BCL7A: variants seen among roughly 807,000 people sequenced by gnomAD.
BCL7A encodes the protein B-cell CLL/lymphoma 7 protein family member A.
BCL7A carries 11 observed loss-of-function variants against 28.4 expected under a neutral mutation model. The ratio of observed to expected loss-of-function variants is 0.39; its 90% CI spans 0.24 to 0.64. The LOEUF is 0.64. Ranked by LOEUF, BCL7A falls within the 30% of genes least tolerant of loss-of-function variation. The pLI is 0.50. For missense variants in BCL7A, 222 were observed against 274.8 expected (o/e 0.81, Z 1.36); for synonymous variants, 123 against 103.3 (o/e 1.19, Z -1.15).
chr12:122,030,889 A>C, intron 2 of BCL7A, 108 bp downstream of exon 2: 10 of 1,161,450 alleles, frequency 8.6e-6, no homozygotes, highest in Non-Finnish European at 1.3e-5. Context: ...CTCTGGGACC[A>C]AGAGCCCCTG....
intron 3 of BCL7A, 44 bp downstream of exon 3, chr12:122,035,471 C>A (rs753243682): frequency 1.3e-6 from 2 of 1,548,850 alleles, no homozygotes; most frequent in Non-Finnish European, 1.8e-6. Flanking sequence ...CAGCCCGGGG[C>A]CTTGGCCAAG....
chr12:122,036,738 G>A (rs533662140), intron 3 of BCL7A, among the ~76,000 whole-genome samples: 6 of 149,280 alleles, frequency 4.0e-5, no homozygotes, highest in East Asian at 3.9e-4. Context: ...GCAGAGTCTC[G>A]CTCCTGTCAC....
In BCL7A at chr12:122,059,907, G is replaced by A. The variant is rs74495539; in HGVS notation, c.*744G>A. The A allele has an allele frequency of 1.1e-3, 245 of 232,584 alleles. 1 individual carries two copies. Among genetic ancestry groups the A allele is most frequent in the East Asian group, 0.01 (169 of 16,480 alleles). 14.4% of individuals were successfully genotyped at this position (232,584 alleles called of 1,614,324 possible). A position where few individuals can be genotyped will look rare whatever the true frequency, so the allele number is the denominator to read the frequency against. On this transcript the variant is annotated 3_prime_UTR_variant, in exon 6 of 6. Transcript: ENST00000261822. The surrounding 1 kb of genome is among the most constrained non-coding windows in gnomAD (Gnocchi z 4.0). ...CGCTGTGCTCTCCCCTCCTTGGGGC[G>A]TTTAGGACTGGGCGTCTCCAAGCCC...
chr12:122,039,497 T>TATATATA (rs1332981743), intron 3 of BCL7A, among the ~76,000 whole-genome samples: 4 of 139,854 alleles, frequency 2.9e-5, no homozygotes, highest in Admixed American at 7.5e-5. Flanking sequence ...TAAATATATA[T>TATATATA]ATATATATAA....
chr12:122,027,364 G>C (rs1297537188), intron 1 of BCL7A, among the ~76,000 whole-genome samples: 2 of 152,178 alleles, frequency 1.3e-5, no homozygotes, highest in African/African-American at 4.8e-5. Context: ...CTGTTGACTG[G>C]TTGTTTGCCA....
intron 3 of BCL7A, among the ~76,000 whole-genome samples, chr12:122,038,868 T>A (rs1883909748): frequency 6.6e-6 from 1 of 152,032 alleles, no homozygotes; most frequent in South Asian, 2.1e-4. Flanking sequence ...TTAAATTAAA[T>A]AATCTCTTAA....
chr12:122,038,431 C>CACAAAAAAAAAAAAA (rs1883900095), intron 3 of BCL7A, among the ~76,000 whole-genome samples: 1 of 33,560 alleles, frequency 3.0e-5, no homozygotes, highest in African/African-American at 7.4e-5. Context: ...GACTCTGCCT[C>CACAAAAAAAAAAAAA]AAAAAAAAAA....
intron 4 of BCL7A, among the ~76,000 whole-genome samples, chr12:122,052,846 C>T (rs955319987): frequency 6.0e-4 from 58 of 97,080 alleles, no homozygotes; most frequent in African/African-American, 2.4e-3. Flanking sequence ...CCACGCCTGG[C>T]TTACTTTTGT....
chr12:122,033,509 T>G (rs1220329073), intron 2 of BCL7A, among the ~76,000 whole-genome samples: 1 of 152,242 alleles, frequency 6.6e-6, no homozygotes, highest in Non-Finnish European at 1.5e-5. Flanking sequence ...AGACGGGGTT[T>G]CACCATGTTA....
rs775869874 is a variant in BCL7A at position 122,035,443 on chromosome 12, C to T, written c.271+16C>T. On this transcript the variant is annotated intron_variant, in intron 3 of 5. Transcript: ENST00000261822. The stretch of plus-strand genomic sequence containing the variant: ...GACATGCATGGTGAGTGCCCATGGC[C>T]TGCCAGCCTCTCCTGCCCAGCCCGG... 6.2e-7 allele frequency: 1 copy of T among 1,606,566 alleles called. No individual in the cohort carries two copies. The highest frequency in any genetic ancestry group is 8.5e-7 in the Non-Finnish European group (1 of 1,173,494).
chr12:122,054,997 G>T (rs1482345231), intron 5 of BCL7A, 71 bp downstream of exon 5: 2 of 1,612,756 alleles, frequency 1.2e-6, no homozygotes, highest in South Asian at 2.2e-5. Context: ...GGGGTACGTT[G>T]AAAGGTGTTT....
chr12:122,025,641 A>C (rs2135838028), intron 1 of BCL7A, among the ~76,000 whole-genome samples: 1 of 149,416 alleles, frequency 6.7e-6, no homozygotes, highest in South Asian at 2.1e-4. Context: ...AAAAAAAAGA[A>C]GAAGAAGAAA....
chr12:122,023,831 C>G (rs2135835194), intron 1 of BCL7A, among the ~76,000 whole-genome samples: 1 of 152,340 alleles, frequency 6.6e-6, no homozygotes, highest in South Asian at 2.1e-4. Flanking sequence ...GAGTTGCTCC[C>G]CTCCTTGCCT....
chr12:122,043,317 G>A (rs958236434), intron 3 of BCL7A, among the ~76,000 whole-genome samples: 4 of 151,340 alleles, frequency 2.6e-5, no homozygotes, highest in Non-Finnish European at 5.9e-5. Context: ...CCAGACGCAG[G>A]GTACAGTTGG....
chr12:122,038,199 G>T (rs1472096037), intron 3 of BCL7A, among the ~76,000 whole-genome samples: 1 of 151,604 alleles, frequency 6.6e-6, no homozygotes, highest in Non-Finnish European at 1.5e-5. Context: ...TGGGAGGCTG[G>T]TGTGGGCGGG....
chr12:122,023,002 G>A (rs563376826), intron 1 of BCL7A, among the ~76,000 whole-genome samples: 1 of 152,298 alleles, frequency 6.6e-6, no homozygotes, highest in Non-Finnish European at 1.5e-5. Flanking sequence ...TTTTGCGGAG[G>A]GAGCTGTTGT....
chr12:122,044,138 C>T (rs1414262120), intron 4 of BCL7A, 85 bp downstream of exon 4: 6 of 1,457,800 alleles, frequency 4.1e-6, no homozygotes, highest in Non-Finnish European at 5.5e-6. Context: ...CCAGGAGGCC[C>T]TGTCATGTGC....
intron 3 of BCL7A, among the ~76,000 whole-genome samples, chr12:122,037,825 T>C (rs1883886075): frequency 6.6e-6 from 1 of 152,216 alleles, no homozygotes; most frequent in Non-Finnish European, 1.5e-5. Context: ...GGCGCGTGCC[T>C]GTAATCCCAG....
chr12:122,046,420 A>G (rs1884078527), intron 4 of BCL7A, among the ~76,000 whole-genome samples: 1 of 152,178 alleles, frequency 6.6e-6, no homozygotes, highest in African/African-American at 2.4e-5. Flanking sequence ...GTGTGGTTCT[A>G]GGAGAAAGGC....
Sources: gnomAD v4.1 joint callset for allele counts (sites outside exome capture counted in the v4.1 genomes callset) on GRCh38, gnomAD v4.1.1 for gene constraint, Gnocchi (gnomAD v3.1) non-coding constraint, MANE v1.5 for transcripts, NCBI Gene and HGNC (gene_info 2026-07-23, HGNC 2026-07-21) for gene names.